Variants in CACNA1D observed in about 807,000 individuals in gnomAD.
CACNA1D encodes calcium voltage-gated channel subunit alpha1 D.
Under a neutral mutation model 257.1 loss-of-function variants are expected in CACNA1D, and 55 were observed. The ratio of observed to expected loss-of-function variants is 0.21; its 90% CI spans 0.17 to 0.27. The LOEUF is 0.27. Ranked by LOEUF, CACNA1D falls within the 10% of genes least tolerant of loss-of-function variation. CACNA1D has a pLI of 1.00. For missense variants in CACNA1D, 1,876 were observed against 2,784.0 expected (o/e 0.67, Z 7.34); for synonymous variants, 980 against 1,014.9 (o/e 0.97, Z 0.65).
At chr3:53,622,124 C>G (rs1175420274) in intron 3 of CACNA1D, among the ~76,000 whole-genome samples, 1 of 151,838 alleles carries the variant, frequency 6.6e-6, no homozygotes, top group African/African-American at 2.4e-5. Context: ...AATCTCAGCT[C>G]ACGGCAACCT....
At chr3:53,538,646 G>T (rs1396545146) in intron 3 of CACNA1D, among the ~76,000 whole-genome samples, 2 of 152,090 alleles carry the variant, frequency 1.3e-5, no homozygotes, top group African/African-American at 2.4e-5. Context: ...TGTCTGTTTG[G>T]CATGACCTAG....
At chr3:53,744,658 A>C in intron 22 of CACNA1D, 82 bp from the exon 23 acceptor site, 4 of 821,504 alleles carry the variant, frequency 4.9e-6, no homozygotes, top group Non-Finnish European at 8.8e-6. Context: ...ACTAAAGTGA[A>C]GATCCAGTGA....
At chr3:53,580,224 G>A (rs1345448473) in intron 3 of CACNA1D, among the ~76,000 whole-genome samples, 1 of 152,180 alleles carries the variant, frequency 6.6e-6, no homozygotes, top group Non-Finnish European at 1.5e-5. Context: ...TATATGGGAG[G>A]CCCATAAGGT....
chr3:53,721,450 C>T (rs774339683), intron 11 of CACNA1D, among the ~76,000 whole-genome samples: 8 of 152,146 alleles, frequency 5.3e-5, no homozygotes, highest in African/African-American at 9.7e-5. Flanking sequence ...GACCTTTCCA[C>T]GGGATCTGGG....
chr3:53,728,343 T>C (rs1262923803), intron 15 of CACNA1D, among the ~76,000 whole-genome samples: 1 of 152,196 alleles, frequency 6.6e-6, no homozygotes, highest in Non-Finnish European at 1.5e-5. Context: ...TTCTCCATGT[T>C]AACCAGGCCG....
chr3:53,753,973 G>C (rs1009301045), intron 29 of CACNA1D, among the ~76,000 whole-genome samples: 15 of 152,248 alleles, frequency 9.9e-5, no homozygotes, highest in African/African-American at 3.6e-4. Flanking sequence ...TTCTAGAATA[G>C]TACATATCAT....
chr3:53,728,289 C>T (rs1209114002), intron 15 of CACNA1D, among the ~76,000 whole-genome samples: 1 of 152,160 alleles, frequency 6.6e-6, no homozygotes, highest in African/African-American at 2.4e-5. Context: ...CATGTGTGCA[C>T]CACCATGCCC....
intron 4 of CACNA1D, among the ~76,000 whole-genome samples, chr3:53,659,400 G>A (rs1210272349): frequency 6.6e-6 from 1 of 152,226 alleles, no homozygotes; most frequent in African/African-American, 2.4e-5. Flanking sequence ...TGAAGGTGAA[G>A]GTTGGGGTGT....
chr3:53,619,415 G>A (rs929055379), intron 3 of CACNA1D, among the ~76,000 whole-genome samples: 1 of 152,204 alleles, frequency 6.6e-6, no homozygotes, highest in Non-Finnish European at 1.5e-5. Context: ...TGAAACATGG[G>A]TAATTTACCT....
chr3:53,801,413 C>T lies in CACNA1D; in HGVS notation c.5396C>T (p.Ser1799Phe), dbSNP rs766812720. The T allele has an allele frequency of 7.4e-6, 12 of 1,613,990 alleles. No individual in the cohort carries two copies. The South Asian group carries it at 1.1e-4, about 15-fold the overall frequency. Residue 1799 changes from serine to phenylalanine, a missense_variant, in exon 42 of 48, where the codon TCC becomes TTC. This residue lies in a region of CACNA1D where 491 missense variants were observed against 554.3 expected (regional missense o/e 0.89). Transcript: ENST00000350061. ...CATGACCGGGAGCCTCAGAGAAGGT[C>T]CAGTGTGAAAAGGTAACCTTGACAA... ...HKHDREPQRR[S>F]SVKRTRYYET...
chr3:53,722,234 A>G lies in CACNA1D; in HGVS notation c.1506-80A>G. On this transcript the variant is annotated intron_variant, in intron 11 of 47. Coordinates refer to ENST00000350061, the MANE Select transcript of CACNA1D (RefSeq NM_001128840.3). ...AATCTAGACCTCCAGAGTGAAAGCC[A>G]AATTATCTCTCAATCATATTTATTG... 2.6e-6 allele frequency: 4 copies of G among 1,541,690 alleles called. No homozygotes were observed. In the South Asian group the frequency reaches 4.5e-5, roughly 17 times the overall value.
chr3:53,520,536 CG>C (rs1439580860), intron 3 of CACNA1D, among the ~76,000 whole-genome samples: 1 of 152,146 alleles, frequency 6.6e-6, no homozygotes, highest in Non-Finnish European at 1.5e-5. Context: ...GAGGCCAAGG[CG>C]GGTCGGTCAC....
intron 3 of CACNA1D, among the ~76,000 whole-genome samples, chr3:53,621,153 G>T (rs900054676): frequency 1.3e-5 from 2 of 152,106 alleles, no homozygotes; most frequent in East Asian, 3.8e-4. Context: ...GAAAAGAACC[G>T]ACTAAGCCAG....
intron 9 of CACNA1D, among the ~76,000 whole-genome samples, chr3:53,708,286 A>G (rs1054983301): frequency 6.6e-6 from 1 of 152,282 alleles, no homozygotes; most frequent in African/African-American, 2.4e-5. Flanking sequence ...GCACAAGTTC[A>G]AAATGGAAGA....
At chr3:53,744,469 A>C (rs978236376) in intron 22 of CACNA1D, among the ~76,000 whole-genome samples, 33 of 152,218 alleles carry the variant, frequency 2.2e-4, no homozygotes, top group Non-Finnish European at 2.6e-4. Context: ...GAAAGAACAA[A>C]GAGAGTTCGT....
chr3:53,728,606 A>G (rs769069622), intron 15 of CACNA1D, among the ~76,000 whole-genome samples: 2 of 152,116 alleles, frequency 1.3e-5, no homozygotes, highest in Non-Finnish European at 2.9e-5. Context: ...CTGCTGTCCT[A>G]TGGTTGACTC....
intron 18 of CACNA1D, among the ~76,000 whole-genome samples, chr3:53,732,407 G>T (rs1249444846): frequency 6.6e-6 from 1 of 152,194 alleles, no homozygotes; most frequent in Non-Finnish European, 1.5e-5. Flanking sequence ...GCTGATGTGG[G>T]TGGGACTGTG....
chr3:53,600,819 C>T (rs1489577584), intron 3 of CACNA1D, among the ~76,000 whole-genome samples: 1 of 152,046 alleles, frequency 6.6e-6, no homozygotes, highest in African/African-American at 2.4e-5. Context: ...AAAATACCTC[C>T]CCTCTTTGTT....
intron 3 of CACNA1D, among the ~76,000 whole-genome samples, chr3:53,568,319 C>T (rs767447988): frequency 2.0e-5 from 3 of 152,168 alleles, no homozygotes; most frequent in Admixed American, 6.5e-5. Flanking sequence ...GGCATTGATG[C>T]TACATTCAGG....
Sources: allele counts gnomAD v4.1 joint callset (sites outside exome capture counted in the v4.1 genomes callset), GRCh38; gene constraint gnomAD v4.1.1; regional missense constraint gnomAD v4.1.1; transcripts MANE v1.5; gene names NCBI Gene and HGNC (gene_info 2026-07-23, HGNC 2026-07-21).